Variants in REPS2 observed in about 807,000 individuals in gnomAD.
REPS2 encodes RALBP1 associated Eps domain containing 2, also known as ralBP1-associated Eps domain-containing protein 2.
REPS2 carries 23 observed loss-of-function variants against 53.6 expected under a neutral mutation model. The observed-to-expected ratio is 0.43, with a 90% CI of 0.31 to 0.61. REPS2 has a LOEUF of 0.61. REPS2 is among the 20% of genes least tolerant of loss of function. The pLI is 0.11. For synonymous variants in REPS2, 238 were observed against 218.6 expected, an observed-to-expected ratio of 1.09 and a Z score of -0.78; for missense variants, 446 against 534.9, an observed-to-expected ratio of 0.83 and a Z score of 1.64.
intron 5 of REPS2, among the ~76,000 whole-genome samples, chrX:17,036,319 A>G (rs754593697): frequency 1.8e-5 from 2 of 112,732 alleles, no homozygotes; most frequent in African/African-American, 3.2e-5. Context: ...TTTAATTAGC[A>G]TATCTCTTTA....
chrX:17,001,878 A>C (rs758792049), intron 1 of REPS2, among the ~76,000 whole-genome samples: 7 of 111,266 alleles, frequency 6.3e-5, no homozygotes, highest in Non-Finnish European at 9.4e-5. Flanking sequence ...ACCAGATCTC[A>C]TGAGACTTGT....
intron 1 of REPS2, among the ~76,000 whole-genome samples, chrX:16,956,361 TCA>T (rs2060597464): frequency 1.0e-5 from 1 of 99,023 alleles, no homozygotes; most frequent in African/African-American, 3.8e-5. Flanking sequence ...GAGTGCAATC[TCA>T]CAATTTTGGT....
intron 8 of REPS2, among the ~76,000 whole-genome samples, chrX:17,056,900 A>G (rs1384412929): frequency 8.9e-6 from 1 of 112,006 alleles, no homozygotes; most frequent in Non-Finnish European, 1.9e-5. Context: ...ATTGTTTTGG[A>G]CCCTTTAGAT....
chrX:17,054,822 C>G lies in REPS2; in HGVS notation c.986C>G (p.Ala329Gly). Residue 329 changes from alanine (A) to glycine (G), a missense_variant, in exon 8 of 18, where the codon GCT becomes GGT. Transcript: ENST00000357277. Reference protein sequence around the residue: ...ELSYIWELSDADCDGALTLPE... With the variant: ...ELSYIWELSDGDCDGALTLPE... ...GTTTCATTTAGGGAGCTTAGTGATGCTGACTGTGATGGAGCCCTGACCCTG... is the reference window on the plus strand; with the variant it reads ...GTTTCATTTAGGGAGCTTAGTGATGGTGACTGTGATGGAGCCCTGACCCTG... 8.3e-7 allele frequency: 1 copy of G among 1,210,841 alleles called. No homozygotes were observed. The highest frequency in any genetic ancestry group is 1.1e-6 in the Non-Finnish European group (1 of 895,003).
intron 1 of REPS2, among the ~76,000 whole-genome samples, chrX:16,968,929 C>CGGGGCGGCTGCCGGGCGGA (rs2060831565): frequency 1.9e-5 from 2 of 107,561 alleles, no homozygotes; most frequent in Non-Finnish European, 3.9e-5. Flanking sequence ...ACTTCTCAGA[C>CGGGGCGGCTGCCGGGCGGA]GGGGCGGCTG....
In REPS2 at chrX:16,971,667, T is replaced by C. The variant is rs764314710; in HGVS notation, c.273+24533T>C. Among the ~76,000 whole-genome samples, 3 of 112,475 alleles carry C rather than the reference T, an allele frequency of 2.7e-5. No individual in the cohort carries two copies. The East Asian group carries it at 8.3e-4, about 31-fold the overall frequency. ...TGTAGTTTTAGCTCCTATATGTCAGTCTTTGATTCATTTTGAGTTAATTTT... is the reference window on the plus strand; with the variant it reads ...TGTAGTTTTAGCTCCTATATGTCAGCCTTTGATTCATTTTGAGTTAATTTT... On this transcript the variant is annotated intron_variant, in intron 1 of 17. Coordinates refer to ENST00000357277, the MANE Select transcript of REPS2 (RefSeq NM_004726.3).
At chrX:17,078,644 C>T (rs2062412695) in intron 13 of REPS2, among the ~76,000 whole-genome samples, 3 of 111,825 alleles carry the variant, frequency 2.7e-5, no homozygotes, top group Non-Finnish European at 5.6e-5. Flanking sequence ...CCTATGGATG[C>T]GAGAAAATTA....
chrX:17,177,023 T>C, the REPS2 span, among the ~76,000 whole-genome samples: 13 of 112,186 alleles, frequency 1.2e-4, no homozygotes, highest in Non-Finnish European at 2.3e-4. Context: ...AGTTTCACAG[T>C]GATGGACGGT....
chrX:17,121,338 A>T (rs1025999104), intron 14 of REPS2, among the ~76,000 whole-genome samples: 1 of 112,139 alleles, frequency 8.9e-6, no homozygotes, highest in Non-Finnish European at 1.9e-5. Context: ...GGTGGGGGAA[A>T]GCCCCAATTT....
chrX:17,169,178 A>G, the REPS2 span, among the ~76,000 whole-genome samples: 1 of 112,365 alleles, frequency 8.9e-6, no homozygotes, highest in Non-Finnish European at 1.9e-5. Context: ...CTCTCAGCTA[A>G]GCTCAGTGCA....
chrX:17,049,780 G>A (rs1355154716), intron 6 of REPS2, among the ~76,000 whole-genome samples: 8 of 111,193 alleles, frequency 7.2e-5, no homozygotes, highest in African/African-American at 2.6e-4. Flanking sequence ...ATTGTACAGT[G>A]TGTTTTTGTT....
At chrX:17,016,000 A>C (rs1340414520) in intron 2 of REPS2, among the ~76,000 whole-genome samples, 1 of 111,702 alleles carries the variant, frequency 9.0e-6, no homozygotes, top group African/African-American at 3.3e-5. Flanking sequence ...GACTTCCACA[A>C]TGATTGAACT....
At chrX:17,117,582 T>C (rs2063073306) in intron 14 of REPS2, among the ~76,000 whole-genome samples, 1 of 111,302 alleles carries the variant, frequency 9.0e-6, no homozygotes, top group Non-Finnish European at 1.9e-5. Flanking sequence ...GCTTCATCCA[T>C]GTCCCTACAA....
At chrX:16,972,335 C>T (rs1009384597) in intron 1 of REPS2, among the ~76,000 whole-genome samples, 2 of 112,190 alleles carry the variant, frequency 1.8e-5, no homozygotes, top group East Asian at 5.6e-4. Context: ...TTAGGAAAAC[C>T]TTGAGCAGTT....
intron 1 of REPS2, among the ~76,000 whole-genome samples, chrX:16,949,187 C>CT (rs1462697963): frequency 9.0e-6 from 1 of 111,075 alleles, no homozygotes; most frequent in African/African-American, 3.3e-5. Flanking sequence ...TGTTTTTACC[C>CT]TTTCTCTGTT....
At chrX:17,006,128 T>G in intron 1 of REPS2, 93 bp from the exon 2 acceptor site, 1 of 1,038,122 alleles carries the variant, frequency 9.6e-7, no homozygotes, top group Non-Finnish European at 1.3e-6. Flanking sequence ...GGTTAGCCAC[T>G]AGGTGAAATC....
chrX:17,063,923 TACACAC>T (rs3842475), intron 9 of REPS2, among the ~76,000 whole-genome samples: 25 of 100,300 alleles, frequency 2.5e-4, no homozygotes, highest in Admixed American at 1.1e-3. Context: ...GTTTTACTGT[TACACAC>T]ACACACACAC....
intron 1 of REPS2, among the ~76,000 whole-genome samples, chrX:16,984,738 G>A (rs1436780602): frequency 9.0e-6 from 1 of 111,094 alleles, no homozygotes; most frequent in Non-Finnish European, 1.9e-5. Flanking sequence ...CTTCATTGGG[G>A]AATTTTTTTT....
In REPS2 at chrX:17,006,209, G is replaced by C; in HGVS notation, c.274-12G>C. ...TTGGGTGTTCAGCATTGTTTTTCTT[G>C]TCTGTTCTCAGATCACAGAACTGTG... On this transcript the variant is annotated splice_polypyrimidine_tract_variant and intron_variant, in intron 1 of 17. Coordinates refer to ENST00000357277, the MANE Select transcript of REPS2 (RefSeq NM_004726.3). 1 of 1,207,732 alleles carries C rather than the reference G, an allele frequency of 8.3e-7. No individual in the cohort carries two copies. Among genetic ancestry groups the C allele is most frequent in the Non-Finnish European group, 1.1e-6 (1 of 893,138 alleles).
Sources: gnomAD v4.1 joint callset for allele counts (sites outside exome capture counted in the v4.1 genomes callset) on GRCh38, gnomAD v4.1.1 for gene constraint, MANE v1.5 for transcripts, NCBI Gene and HGNC (gene_info 2026-07-23, HGNC 2026-07-21) for gene names.